KIAA1217: variants seen among roughly 807,000 people sequenced by gnomAD.
The protein encoded by KIAA1217 is KIAA1217.
Under a neutral mutation model 163.9 loss-of-function variants are expected in KIAA1217, and 88 were observed. The observed-to-expected ratio is 0.54, with a 90% CI of 0.45 to 0.64. The LOEUF (loss-of-function observed/expected upper bound fraction) is 0.64. KIAA1217 is among the 30% of genes least tolerant of loss of function. KIAA1217 has a pLI of 0.00. For synonymous variants in KIAA1217, 903 were observed against 923.1 expected (o/e 0.98, Z 0.39); for missense variants, 2,372 against 2,475.0 (o/e 0.96, Z 0.88).
chr10:24,525,530 A>AT (rs2072004966), intron 13 of KIAA1217, among the ~76,000 whole-genome samples: 2 of 152,100 alleles, frequency 1.3e-5, no homozygotes, highest in Non-Finnish European at 2.9e-5. Context: ...CTAATCCGTG[A>AT]TTTTTTTTAA....
At chr10:24,135,381 A>G (rs1260758315) in intron 2 of KIAA1217, among the ~76,000 whole-genome samples, 1 of 151,944 alleles carries the variant, frequency 6.6e-6, no homozygotes, top group Non-Finnish European at 1.5e-5. Flanking sequence ...TTACATCAAG[A>G]AGCACCCACC....
intron 2 of KIAA1217, among the ~76,000 whole-genome samples, chr10:24,265,476 T>A (rs939438921): frequency 3.3e-5 from 5 of 152,196 alleles, no homozygotes; most frequent in African/African-American, 9.6e-5. Flanking sequence ...TGGCTTGCTT[T>A]CTTAGCTTTG....
intron 1 of KIAA1217, among the ~76,000 whole-genome samples, chr10:23,842,520 A>G (rs1838835150): frequency 6.6e-6 from 1 of 152,124 alleles, no homozygotes; most frequent in South Asian, 2.1e-4. Context: ...CTTCATCACA[A>G]ACTTAAGAGG....
At chr10:24,140,988 T>C (rs1483289874) in intron 2 of KIAA1217, among the ~76,000 whole-genome samples, 1 of 152,174 alleles carries the variant, frequency 6.6e-6, no homozygotes, top group Non-Finnish European at 1.5e-5. Context: ...TGAATGCAAC[T>C]GAAAAGCCTG....
At chr10:24,205,818 G>C (rs1233742294), upstream of KIAA1217, among the ~76,000 whole-genome samples, 2 of 152,012 alleles carry the variant, frequency 1.3e-5, no homozygotes, top group Middle Eastern at 3.2e-3. Context: ...TTACATGAAG[G>C]AAGTTGACAT....
chr10:24,258,874 T>C (rs921721909), intron 2 of KIAA1217, among the ~76,000 whole-genome samples: 4 of 152,130 alleles, frequency 2.6e-5, no homozygotes, highest in African/African-American at 9.7e-5. Flanking sequence ...ATTACAGGCG[T>C]GAGCCACCGC....
chr10:24,209,056 G>A, upstream of KIAA1217: 2 of 671,122 alleles, frequency 3.0e-6, no homozygotes, highest in Non-Finnish European at 5.1e-6. Context: ...CACCGGAGTG[G>A]AAAATAGTTT....
intron 2 of KIAA1217, among the ~76,000 whole-genome samples, chr10:24,352,553 C>T (rs568313241): frequency 2.6e-4 from 39 of 152,150 alleles, no homozygotes; most frequent in East Asian, 2.5e-3. Context: ...GTTTAGACTC[C>T]GCTGTCTGCT....
At chr10:23,884,737 G>A (rs540982259) in intron 1 of KIAA1217, among the ~76,000 whole-genome samples, 1 of 151,938 alleles carries the variant, frequency 6.6e-6, no homozygotes, top group Non-Finnish European at 1.5e-5. Flanking sequence ...CATGAGCACT[G>A]ACACGTGGTA....
At chr10:24,511,499 G>A (rs542130443) in intron 9 of KIAA1217, among the ~76,000 whole-genome samples, 15 of 152,092 alleles carry the variant, frequency 9.9e-5, no homozygotes, top group South Asian at 2.1e-4. Context: ...AAAATTAGCC[G>A]GGTGTGGTGG....
At chr10:24,315,959 A>G (rs1318291251) in intron 2 of KIAA1217, among the ~76,000 whole-genome samples, 1 of 151,822 alleles carries the variant, frequency 6.6e-6, no homozygotes, top group East Asian at 1.9e-4. Flanking sequence ...AGCTTTTTAA[A>G]GACAGCCAGT....
intron 1 of KIAA1217, among the ~76,000 whole-genome samples, chr10:23,960,690 G>A (rs893237115): frequency 1.4e-4 from 22 of 152,158 alleles, no homozygotes; most frequent in African/African-American, 5.3e-4. Context: ...ATTAAATAAT[G>A]TCCTAGATAG....
chr10:24,422,935 C>A (rs1429811367), intron 3 of KIAA1217, among the ~76,000 whole-genome samples: 1 of 123,668 alleles, frequency 8.1e-6, no homozygotes, highest in Non-Finnish European at 1.7e-5. Flanking sequence ...GACAGAGTCT[C>A]GCTCTATTGC....
chr10:24,363,069 T>C lies in KIAA1217; in HGVS notation c.355-17800T>C, dbSNP rs111234747. ...CCCTAGAGATCAACAATTCACTTTT[T>C]CCCTCCTTTACTGATACTTTTCTTT... On this transcript the variant is annotated intron_variant, in intron 2 of 20. Transcript: ENST00000376454. 6.6e-3 allele frequency among the ~76,000 whole-genome samples: 1,008 copies of C among 152,310 alleles called. 6 individuals carry two copies. Among genetic ancestry groups the C allele is most frequent in the Non-Finnish European group, 0.011 (744 of 68,038 alleles).
At chr10:24,230,441 G>A (rs1027613831) in intron 2 of KIAA1217, among the ~76,000 whole-genome samples, 3 of 151,510 alleles carry the variant, frequency 2.0e-5, no homozygotes, top group East Asian at 1.9e-4. Context: ...TAGGGATGCC[G>A]AGCCTGTAGT....
intron 2 of KIAA1217, among the ~76,000 whole-genome samples, chr10:24,223,895 C>T (rs146206082): frequency 8.0e-4 from 116 of 145,270 alleles, no homozygotes; most frequent in African/African-American, 2.7e-3. Context: ...TCATCATACC[C>T]GACTGAAAAT....
intron 2 of KIAA1217, among the ~76,000 whole-genome samples, chr10:24,162,479 G>A (rs1049431765): frequency 2.6e-5 from 4 of 152,202 alleles, no homozygotes; most frequent in Non-Finnish European, 5.9e-5. Context: ...AGCTCAGGCA[G>A]GCCCTGGAGC....
chr10:24,000,480 C>T (rs115145091), intron 1 of KIAA1217, among the ~76,000 whole-genome samples: 3,474 of 152,324 alleles, frequency 0.023, 145 homozygotes, highest in African/African-American at 0.079. Context: ...TCCAGCCCTG[C>T]GGAAACGTGA....
chr10:24,132,232 G>T (rs1045033827), intron 2 of KIAA1217, among the ~76,000 whole-genome samples: 3 of 152,066 alleles, frequency 2.0e-5, no homozygotes, highest in Non-Finnish European at 4.4e-5. Context: ...CCACCTAACT[G>T]CAAGGGAGGC....
Sources: allele counts gnomAD v4.1 joint callset (sites outside exome capture counted in the v4.1 genomes callset), GRCh38; gene constraint gnomAD v4.1.1; transcripts MANE v1.5; gene names NCBI Gene and HGNC (gene_info 2026-07-23, HGNC 2026-07-21).